Variants in KLF12 observed in about 807,000 individuals in gnomAD.
KLF12 encodes the protein KLF transcription factor 12, also known as Krueppel-like factor 12.
Under a neutral mutation model 37.8 loss-of-function variants are expected in KLF12, and 9 were observed. The observed-to-expected ratio is 0.24, with a 90% CI of 0.14 to 0.42. The LOEUF is 0.42. KLF12 is among the 10% of genes least tolerant of loss of function. KLF12 has a pLI of 1.00. For synonymous variants in KLF12, 208 were observed against 202.1 expected (o/e 1.03, Z -0.25); for missense variants, 411 against 516.0 (o/e 0.80, Z 1.97).
intron 6 of KLF12, 117 bp from the exon 7 acceptor site, chr13:73,715,642 C>T: frequency 3.0e-6 from 3 of 990,624 alleles, no homozygotes; most frequent in East Asian, 5.0e-5. Context: ...GCCACCATGA[C>T]CACAGTTCTT....
At chr13:74,013,344 G>C (rs1309882035) in intron 1 of KLF12, among the ~76,000 whole-genome samples, 3 of 152,206 alleles carry the variant, frequency 2.0e-5, no homozygotes, top group Non-Finnish European at 4.4e-5. Context: ...TTGAGACCGA[G>C]GTGGCTAGCC....
At chr13:73,829,150 C>T (rs1884013011) in intron 4 of KLF12, among the ~76,000 whole-genome samples, 1 of 152,118 alleles carries the variant, frequency 6.6e-6, no homozygotes, top group South Asian at 2.1e-4. Flanking sequence ...ATTGTGGGTA[C>T]TGTACGTTGT....
chr13:73,817,778 T>C (rs1300298113), intron 4 of KLF12, among the ~76,000 whole-genome samples: 2 of 152,248 alleles, frequency 1.3e-5, no homozygotes, highest in Non-Finnish European at 2.9e-5. Context: ...TTTCTGCATG[T>C]CACCTCCTTT....
At chr13:73,781,038 T>C (rs1442893041) in intron 5 of KLF12, among the ~76,000 whole-genome samples, 1 of 152,194 alleles carries the variant, frequency 6.6e-6, no homozygotes, top group Non-Finnish European at 1.5e-5. Flanking sequence ...TTCGAGAAAT[T>C]GCCACGGCCA....
chr13:73,719,978 T>C (rs1227351599), intron 6 of KLF12, among the ~76,000 whole-genome samples: 10 of 152,120 alleles, frequency 6.6e-5, no homozygotes, highest in Admixed American at 6.6e-5. Context: ...CACATAGATA[T>C]AAATGTCTCA....
At chr13:74,286,614 A>T in the KLF12 span, among the ~76,000 whole-genome samples, 3 of 152,194 alleles carry the variant, frequency 2.0e-5, no homozygotes, top group African/African-American at 7.2e-5. Context: ...AATTGTTAGC[A>T]CTGATAAAAT....
intron 1 of KLF12, among the ~76,000 whole-genome samples, chr13:74,049,094 G>C (rs1014992634): frequency 6.6e-6 from 1 of 152,168 alleles, no homozygotes; most frequent in Non-Finnish European, 1.5e-5. Flanking sequence ...ACATATCCTC[G>C]TGAACACAGC....
At chr13:74,077,342 C>A (rs1004578263) in intron 1 of KLF12, among the ~76,000 whole-genome samples, 1 of 152,124 alleles carries the variant, frequency 6.6e-6, no homozygotes, top group Non-Finnish European at 1.5e-5. Context: ...GTTTTAATAT[C>A]AAATCTCACT....
chr13:74,176,859 G>A, the KLF12 span, among the ~76,000 whole-genome samples: 1 of 152,066 alleles, frequency 6.6e-6, no homozygotes, highest in African/African-American at 2.4e-5. Context: ...TGCTTTGTGA[G>A]CAACTCTACC....
chr13:73,970,335 C>T (rs2138098453), intron 2 of KLF12, among the ~76,000 whole-genome samples: 1 of 150,952 alleles, frequency 6.6e-6, no homozygotes, highest in African/African-American at 2.4e-5. Flanking sequence ...AATCATAAAG[C>T]ATTGTACAAG....
intron 1 of KLF12, among the ~76,000 whole-genome samples, chr13:74,061,934 A>G (rs1227248572): frequency 6.6e-6 from 1 of 152,222 alleles, no homozygotes; most frequent in Non-Finnish European, 1.5e-5. Context: ...ATGAATACAT[A>G]AGCCTTAGTC....
At chr13:73,851,899 G>A (rs1018545747) in intron 3 of KLF12, among the ~76,000 whole-genome samples, 1 of 152,128 alleles carries the variant, frequency 6.6e-6, no homozygotes, top group African/African-American at 2.4e-5. Flanking sequence ...AATTCCTTTT[G>A]AACATGAAGT....
rs372069145 is a variant in KLF12, at chr13:73,713,916, T to A, written c.1027+1452A>T. ...GATTCATTGTAGAAAGTCATTTTTT[T>A]AAAAACAGAAATGCTCCTATAAAGT... On this transcript the variant is annotated intron_variant, in intron 7 of 7. Coordinates refer to ENST00000377669, the MANE Select transcript of KLF12 (RefSeq NM_007249.5). Among the ~76,000 whole-genome samples, 491 of 152,288 alleles carry A rather than the reference T, an allele frequency of 3.2e-3. 2 individuals carry two copies. The highest frequency in any genetic ancestry group is 0.011 in the African/African-American group (467 of 41,558).
At chr13:74,093,096 C>T (rs1444330861) in intron 1 of KLF12, among the ~76,000 whole-genome samples, 1 of 152,188 alleles carries the variant, frequency 6.6e-6, no homozygotes, top group Admixed American at 6.5e-5. Context: ...CCAAACTAAT[C>T]CTGGAGACCT....
the KLF12 span, among the ~76,000 whole-genome samples, chr13:74,164,933 G>A: frequency 1.3e-5 from 2 of 152,220 alleles, no homozygotes; most frequent in Admixed American, 1.3e-4. Flanking sequence ...GAGTAGGGGT[G>A]GTTAATGTGT....
the KLF12 span, among the ~76,000 whole-genome samples, chr13:74,153,770 T>C: frequency 6.6e-6 from 1 of 152,198 alleles, no homozygotes; most frequent in Non-Finnish European, 1.5e-5. Flanking sequence ...TGGTCTAGGA[T>C]CTGCTGAATC....
At chr13:74,001,117 G>A (rs1352334150) in intron 1 of KLF12, among the ~76,000 whole-genome samples, 1 of 152,114 alleles carries the variant, frequency 6.6e-6, no homozygotes, top group Non-Finnish European at 1.5e-5. Context: ...AAAGTAACTT[G>A]GCCACACACA....
At chr13:73,699,987 C>A (rs1419952537) in intron 7 of KLF12, among the ~76,000 whole-genome samples, 1 of 152,116 alleles carries the variant, frequency 6.6e-6, no homozygotes, top group East Asian at 1.9e-4. Context: ...TAAGCTAGGC[C>A]AGATGCGGTG....
intron 7 of KLF12, among the ~76,000 whole-genome samples, chr13:73,710,889 G>A (rs2137649108): frequency 6.6e-6 from 1 of 152,308 alleles, no homozygotes; most frequent in South Asian, 2.1e-4. Context: ...CTGGAAGCTA[G>A]GCCTCTTGAG....
Sources: allele counts gnomAD v4.1 joint callset (sites outside exome capture counted in the v4.1 genomes callset), GRCh38; gene constraint gnomAD v4.1.1; transcripts MANE v1.5; gene names NCBI Gene and HGNC (gene_info 2026-07-23, HGNC 2026-07-21).